The following DNM3 variants were observed in gnomAD, a reference collection of about 807,000 sequenced individuals.
DNM3 encodes the protein dynamin-3.
A neutral mutation model predicts 101.6 loss-of-function variants in DNM3; 47 were observed. The observed-to-expected ratio is 0.46, with a 90% CI of 0.37 to 0.59. The LOEUF is 0.59. DNM3 is among the 20% of genes least tolerant of loss of function. The probability of loss-of-function intolerance (pLI) is 0.00; values close to 1 mark genes in which losing one functional copy is unlikely to be tolerated. For missense variants in DNM3, 849 were observed against 1,085.7 expected (o/e 0.78, Z 3.06); for synonymous variants, 385 against 387.9 (o/e 0.99, Z 0.09).
chr1:172,164,005 T>A (rs923040582), intron 14 of DNM3, among the ~76,000 whole-genome samples: 2 of 151,674 alleles, frequency 1.3e-5, no homozygotes, highest in African/African-American at 2.4e-5. Flanking sequence ...TTTTTTTTTA[T>A]CCATTCATCT....
chr1:171,944,822 GTTTT>G (rs200727956), intron 2 of DNM3, among the ~76,000 whole-genome samples: 1 of 75,316 alleles, frequency 1.3e-5, no homozygotes, highest in African/African-American at 5.0e-5. Flanking sequence ...ATATTAAAGT[GTTTT>G]TTTTTGTTTT....
chr1:172,350,119 C>A (rs762030099), intron 17 of DNM3, among the ~76,000 whole-genome samples: 7 of 152,066 alleles, frequency 4.6e-5, no homozygotes, highest in Non-Finnish European at 8.8e-5. Context: ...TCCTGATAAG[C>A]CTACTAGGCA....
At chr1:172,037,910 C>A (rs1036270026) in intron 6 of DNM3, among the ~76,000 whole-genome samples, 1 of 152,172 alleles carries the variant, frequency 6.6e-6, no homozygotes, top group Admixed American at 6.6e-5. Context: ...CTGAGAACAC[C>A]GGGTAGCAGC....
At chr1:172,329,618 A>G (rs2066096192) in intron 17 of DNM3, among the ~76,000 whole-genome samples, 1 of 152,194 alleles carries the variant, frequency 6.6e-6, no homozygotes, top group African/African-American at 2.4e-5. Flanking sequence ...AGCTTAAACT[A>G]CATACAAATT....
intron 15 of DNM3, among the ~76,000 whole-genome samples, chr1:172,254,527 A>C (rs2148690576): frequency 6.6e-6 from 1 of 152,314 alleles, no homozygotes; most frequent in South Asian, 2.1e-4. Flanking sequence ...GGATACAGTT[A>C]CAAATAAGAA....
At chr1:172,045,995 G>A (rs1051974337) in intron 9 of DNM3, among the ~76,000 whole-genome samples, 1 of 152,188 alleles carries the variant, frequency 6.6e-6, no homozygotes, top group Non-Finnish European at 1.5e-5. Context: ...AAGTCAGTGT[G>A]GAGATTCCTC....
intron 16 of DNM3, among the ~76,000 whole-genome samples, chr1:172,314,319 G>A (rs760812182): frequency 3.9e-5 from 6 of 152,178 alleles, no homozygotes; most frequent in Non-Finnish European, 1.5e-5. Context: ...CGCAGAAGAC[G>A]GGTGATTTCT....
chr1:172,355,385 A>C (rs2067399674), intron 17 of DNM3, among the ~76,000 whole-genome samples: 1 of 152,226 alleles, frequency 6.6e-6, no homozygotes. Flanking sequence ...AAGACAAGTC[A>C]TATTTTTAAA....
At chr1:172,156,896 A>G (rs2058359307) in intron 14 of DNM3, among the ~76,000 whole-genome samples, 1 of 151,944 alleles carries the variant, frequency 6.6e-6, no homozygotes, top group South Asian at 2.1e-4. Context: ...TAGTTAATTC[A>G]CTCTGTGTTA....
At chr1:172,282,632 A>T (rs2063533718) in intron 15 of DNM3, among the ~76,000 whole-genome samples, 4 of 152,204 alleles carry the variant, frequency 2.6e-5, no homozygotes, top group African/African-American at 9.7e-5. Flanking sequence ...GGGGATAAGG[A>T]TATTCCAGAT....
chr1:172,287,402 A>G (rs2063741906), intron 15 of DNM3, among the ~76,000 whole-genome samples: 1 of 152,222 alleles, frequency 6.6e-6, no homozygotes, highest in Admixed American at 6.5e-5. Context: ...ACTGTGATTA[A>G]TGCTGACAAG....
intron 1 of DNM3, among the ~76,000 whole-genome samples, chr1:171,876,377 C>CT (rs147503182): frequency 0.016 from 2,422 of 152,038 alleles, 38 homozygotes; most frequent in Non-Finnish European, 0.025. Flanking sequence ...ATGTTCTTTC[C>CT]TTTTTTTTCT....
At chr1:171,940,566 G>C (rs996717995) in intron 2 of DNM3, among the ~76,000 whole-genome samples, 1 of 152,122 alleles carries the variant, frequency 6.6e-6, no homozygotes, top group Non-Finnish European at 1.5e-5. Context: ...TGCAATTTGG[G>C]GTGATGCAAT....
At chr1:171,968,221 T>C (rs2043730399) in intron 2 of DNM3, among the ~76,000 whole-genome samples, 1 of 152,230 alleles carries the variant, frequency 6.6e-6, no homozygotes, top group Non-Finnish European at 1.5e-5. Context: ...TCAGTATGAT[T>C]CTGTGATGAC....
intron 4 of DNM3, among the ~76,000 whole-genome samples, chr1:172,008,542 T>C (rs1162327790): frequency 6.6e-6 from 1 of 151,090 alleles, no homozygotes; most frequent in Non-Finnish European, 1.5e-5. Context: ...TTCTCTATTT[T>C]GTTCCATTGG....
chr1:171,841,599 TC>T lies in DNM3; in HGVS notation c.-55del. 1.3e-6 allele frequency: 2 copies of T among 1,566,788 alleles called. No homozygotes were observed. Among genetic ancestry groups the T allele is most frequent in the Non-Finnish European group, 1.7e-6 (2 of 1,158,706 alleles). On this transcript the variant is annotated 5_prime_UTR_variant, in exon 1 of 21. Coordinates refer to ENST00000627582, the MANE Select transcript of DNM3 (RefSeq NM_015569.5). The stretch of plus-strand genomic sequence containing the variant: ...GCAGCCAGGGCAGCGCGGCCCCTAC[TC>T]CCTGTCAGGTCGTAGAGGCGAGCAG...
At chr1:172,265,746 G>A (rs1420806779) in intron 15 of DNM3, among the ~76,000 whole-genome samples, 1 of 152,078 alleles carries the variant, frequency 6.6e-6, no homozygotes, top group Non-Finnish European at 1.5e-5. Flanking sequence ...CTCTCCCCAG[G>A]CAGGCGTTCA....
intron 14 of DNM3, chr1:172,133,281 T>C: frequency 9.5e-7 from 1 of 1,050,564 alleles, no homozygotes. Context: ...TTGGCTCATC[T>C]CCTCTCCTCC....
intron 14 of DNM3, among the ~76,000 whole-genome samples, chr1:172,151,229 G>A (rs547638379): frequency 4.7e-4 from 71 of 152,130 alleles, no homozygotes; most frequent in African/African-American, 1.2e-3. Flanking sequence ...AATCTTAAAC[G>A]TTAGTTTTAG....
Sources: gnomAD v4.1 joint callset for allele counts (sites outside exome capture counted in the v4.1 genomes callset) on GRCh38, gnomAD v4.1.1 for gene constraint, MANE v1.5 for transcripts, NCBI Gene and HGNC (gene_info 2026-07-23, HGNC 2026-07-21) for gene names.